The following SHB variants were observed in gnomAD, a reference collection of about 807,000 sequenced individuals.
The protein encoded by SHB is SH2 domain containing adaptor protein B.
SHB carries 20 observed loss-of-function variants against 52.3 expected under a neutral mutation model. The observed-to-expected ratio is 0.38, with a 90% CI of 0.27 to 0.56. The LOEUF (loss-of-function observed/expected upper bound fraction) is 0.56. Among genes scored for constraint, SHB ranks in the 20% least tolerant of loss-of-function variants. The pLI, the probability that SHB is intolerant of heterozygous loss-of-function variation, is 0.71. For synonymous variants in SHB, 397 were observed against 316.5 expected (o/e 1.25, Z -2.70); for missense variants, 825 against 723.3 (o/e 1.14, Z -1.61).
chr9:37,941,091 C>G (rs1337797253), intron 5 of SHB, among the ~76,000 whole-genome samples: 6 of 152,182 alleles, frequency 3.9e-5, no homozygotes, highest in Non-Finnish European at 4.4e-5. Context: ...CTGTGAGATT[C>G]TCTAGCATTC....
intron 1 of SHB, among the ~76,000 whole-genome samples, chr9:38,024,021 A>T (rs1453242396): frequency 6.6e-6 from 1 of 152,252 alleles, no homozygotes; most frequent in Non-Finnish European, 1.5e-5. Flanking sequence ...TCATGCACTC[A>T]GCTGCAACTG....
At chr9:37,927,713 C>T (rs1438438736) in intron 5 of SHB, among the ~76,000 whole-genome samples, 1 of 152,058 alleles carries the variant, frequency 6.6e-6, no homozygotes, top group East Asian at 1.9e-4. Flanking sequence ...GGGAGTAAGC[C>T]TCCCATTACC....
At chr9:38,027,974 G>T (rs1182814795) in intron 1 of SHB, among the ~76,000 whole-genome samples, 1 of 152,058 alleles carries the variant, frequency 6.6e-6, no homozygotes, top group African/African-American at 2.4e-5. Flanking sequence ...TACTGTGCGG[G>T]GCTCCCATCT....
At chr9:37,929,769 C>T (rs1832292550) in intron 5 of SHB, among the ~76,000 whole-genome samples, 1 of 152,220 alleles carries the variant, frequency 6.6e-6, no homozygotes, top group South Asian at 2.1e-4. Flanking sequence ...TCTTTCACCA[C>T]AGTCTCTAAG....
intron 5 of SHB, among the ~76,000 whole-genome samples, chr9:37,925,245 C>T (rs943373662): frequency 6.6e-5 from 10 of 152,236 alleles, no homozygotes; most frequent in Non-Finnish European, 1.0e-4. Context: ...GGTGGCTGGT[C>T]GACCTTGTCC....
At chr9:38,067,072 C>G (rs1020551606) in intron 1 of SHB, among the ~76,000 whole-genome samples, 1 of 152,196 alleles carries the variant, frequency 6.6e-6, no homozygotes, top group Non-Finnish European at 1.5e-5. Flanking sequence ...GGGACCTAGT[C>G]TGGCTGTAAT....
chr9:37,982,211 G>C (rs1820736226), intron 2 of SHB, among the ~76,000 whole-genome samples: 1 of 152,138 alleles, frequency 6.6e-6, no homozygotes, highest in South Asian at 2.1e-4. Context: ...AAAGAAGATG[G>C]GCCAGATGTG....
At chr9:37,920,331 A>AAAACAAAACT (rs1373291530) in intron 5 of SHB, among the ~76,000 whole-genome samples, 2 of 130,662 alleles carry the variant, frequency 1.5e-5, no homozygotes, top group Non-Finnish European at 3.3e-5. Flanking sequence ...AAAACAAAAC[A>AAAACAAAACT]AAACTTAGTC....
At chr9:38,018,844 A>C (rs1821249000) in intron 1 of SHB, among the ~76,000 whole-genome samples, 1 of 152,260 alleles carries the variant, frequency 6.6e-6, no homozygotes, top group African/African-American at 2.4e-5. Flanking sequence ...CCGCCAGTCC[A>C]GATGGCCATG....
intron 1 of SHB, among the ~76,000 whole-genome samples, chr9:38,034,958 A>G (rs1821466225): frequency 6.6e-6 from 1 of 152,180 alleles, no homozygotes; most frequent in Non-Finnish European, 1.5e-5. Context: ...CGGCCTCCCA[A>G]AGTGCTGGGA....
At chr9:38,005,655 A>G (rs1821068640) in intron 2 of SHB, among the ~76,000 whole-genome samples, 1 of 152,168 alleles carries the variant, frequency 6.6e-6, no homozygotes, top group Non-Finnish European at 1.5e-5. Flanking sequence ...TATCATATAT[A>G]AAAGGTACCC....
chr9:37,941,589 C>T (rs1051192248), intron 5 of SHB, among the ~76,000 whole-genome samples: 1 of 152,202 alleles, frequency 6.6e-6, no homozygotes, highest in Non-Finnish European at 1.5e-5. Context: ...CTGAGGCAAG[C>T]AGTACTGTAC....
At chr9:37,962,376 C>T (rs1370594765) in intron 3 of SHB, among the ~76,000 whole-genome samples, 1 of 152,178 alleles carries the variant, frequency 6.6e-6, no homozygotes, top group Admixed American at 6.6e-5. Context: ...TGCTCAACAT[C>T]AGTTGAAGGA....
At chr9:37,958,576 CCA>C (rs1447185259) in intron 3 of SHB, among the ~76,000 whole-genome samples, 1 of 152,194 alleles carries the variant, frequency 6.6e-6, no homozygotes, top group Non-Finnish European at 1.5e-5. Context: ...TTCCTTCTGG[CCA>C]CAGTTCTTTC....
intron 1 of SHB, among the ~76,000 whole-genome samples, chr9:38,064,266 C>T (rs963999225): frequency 2.0e-5 from 3 of 152,086 alleles, no homozygotes; most frequent in Admixed American, 6.5e-5. Context: ...AGCCTGGATG[C>T]CCCTCCACCA....
chr9:37,956,062 G>A lies in SHB; in HGVS notation c.1055-8C>T. 2 of 1,554,194 alleles carry A rather than the reference G, an allele frequency of 1.3e-6. No individual in the cohort carries two copies. The highest frequency in any genetic ancestry group is 1.4e-5 in the African/African-American group (1 of 73,614). On this transcript the variant is annotated splice_region_variant and splice_polypyrimidine_tract_variant and intron_variant, in intron 3 of 5. Transcript: ENST00000377707. Reference sequence around the variant, plus strand: ...CGTTGCCATTAAACTGTGCTGTGGGGAGAGAGAGAAAGTGCAGGGTTAGCA... The same window carrying A: ...CGTTGCCATTAAACTGTGCTGTGGGAAGAGAGAGAAAGTGCAGGGTTAGCA...
intron 5 of SHB, among the ~76,000 whole-genome samples, chr9:37,937,373 T>C (rs1832383317): frequency 6.6e-6 from 1 of 151,964 alleles, no homozygotes; most frequent in South Asian, 2.1e-4. Flanking sequence ...AATTAAAAAA[T>C]GGTTTTAATT....
chr9:37,977,593 G>T (rs1254887037), intron 2 of SHB, among the ~76,000 whole-genome samples: 1 of 152,240 alleles, frequency 6.6e-6, no homozygotes, highest in South Asian at 2.1e-4. Flanking sequence ...GAAGGGAAAA[G>T]AGTGGTAGGA....
intron 1 of SHB, among the ~76,000 whole-genome samples, chr9:38,042,961 C>T (rs1056097718): frequency 6.6e-6 from 1 of 152,150 alleles, no homozygotes; most frequent in African/African-American, 2.4e-5. Flanking sequence ...CCAGACCGCC[C>T]ACAACCCCAC....
Sources: allele counts gnomAD v4.1 joint callset (sites outside exome capture counted in the v4.1 genomes callset), GRCh38; gene constraint gnomAD v4.1.1; transcripts MANE v1.5; gene names NCBI Gene and HGNC (gene_info 2026-07-23, HGNC 2026-07-21).